ETFA: variants seen among roughly 807,000 people sequenced by gnomAD.
ETFA encodes the protein electron transfer flavoprotein subunit alpha, mitochondrial.
A neutral mutation model predicts 46.2 loss-of-function variants in ETFA; 22 were observed. That is an observed-to-expected ratio of 0.48 (90% CI 0.34 to 0.68). The LOEUF (loss-of-function observed/expected upper bound fraction) is 0.68. Ranked by LOEUF, ETFA falls within the 30% of genes least tolerant of loss-of-function variation. The pLI, the probability that ETFA is intolerant of heterozygous loss-of-function variation, is 0.01. For missense variants in ETFA, 345 were observed against 401.1 expected, an observed-to-expected ratio of 0.86 and a Z score of 1.19; for synonymous variants, 131 against 139.9, an observed-to-expected ratio of 0.94 and a Z score of 0.45.
chr15:76,296,231 G>A (rs1232212097), intron 1 of ETFA, among the ~76,000 whole-genome samples: 3 of 151,934 alleles, frequency 2.0e-5, no homozygotes, highest in South Asian at 2.1e-4. Flanking sequence ...ACAGGCATGC[G>A]CCACCGCACC....
At chr15:76,248,238 C>T (rs2039262169) in intron 9 of ETFA, among the ~76,000 whole-genome samples, 1 of 152,074 alleles carries the variant, frequency 6.6e-6, no homozygotes, top group Non-Finnish European at 1.5e-5. Context: ...TAGACCCCTG[C>T]ATACATATAA....
intron 11 of ETFA, among the ~76,000 whole-genome samples, chr15:76,220,115 G>A (rs2038943320): frequency 6.6e-6 from 1 of 152,188 alleles, no homozygotes; most frequent in South Asian, 2.1e-4. Flanking sequence ...CCAGGCTGGA[G>A]TGCAGTGGCA....
At chr15:76,259,000 G>A (rs2039374469) in intron 9 of ETFA, 1 of 1,605,930 alleles carries the variant, frequency 6.2e-7, no homozygotes, top group Non-Finnish European at 8.5e-7. Flanking sequence ...CAGCTATTGT[G>A]TGGCAGTAGC....
In ETFA at chr15:76,286,435, A is replaced by G. The variant is rs1433610823; in HGVS notation, c.498T>C (p.Phe166=). The G allele has an allele frequency of 1.2e-6, 2 of 1,613,788 alleles. No homozygotes were observed. Among genetic ancestry groups the G allele is most frequent in the Non-Finnish European group, 8.5e-7 (1 of 1,179,680 alleles). Reference sequence around the variant, plus strand: ...CATCAAAGGATGTTCCACGGACAGAAAACACTTTCACTTTCTCATCACACT... The same window carrying G: ...CATCAAAGGATGTTCCACGGACAGAGAACACTTTCACTTTCTCATCACACT... ...TVKCDEKVKV[F]SVRGTSFDAA... is the part of the protein sequence containing the mutation. Residue 166 remains phenylalanine, a synonymous_variant, in exon 6 of 12, where the codon TTT becomes TTC. Coordinates refer to ENST00000557943, the MANE Select transcript of ETFA (RefSeq NM_000126.4).
chr15:76,259,106 G>A, intron 9 of ETFA: 3 of 1,531,848 alleles, frequency 2.0e-6, no homozygotes, highest in Middle Eastern at 1.7e-4. Context: ...CTCCAGGGGT[G>A]AGGATGTATC....
At position 76,216,369 on chromosome 15, in the gene ETFA, G is replaced by C. The variant is rs2038895802; in HGVS notation, c.*190C>G. On this transcript the variant is annotated 3_prime_UTR_variant, in exon 12 of 12. Coordinates refer to ENST00000557943, the MANE Select transcript of ETFA (RefSeq NM_000126.4). ...AAAAAGTTCAAACAATAATTGTTTG[G>C]AACCACAAATAATTAAAAGGAAACA... The C allele has an allele frequency of 1.8e-6, 1 of 568,618 alleles. No homozygotes were observed. The allele number at this position is 568,618 out of a possible 1,614,324, so 35.2% of individuals were successfully genotyped here. A position where few individuals can be genotyped will look rare whatever the true frequency, so the allele number is the denominator to read the frequency against.
At chr15:76,299,794 C>G (rs962295026) in intron 1 of ETFA, among the ~76,000 whole-genome samples, 1 of 152,166 alleles carries the variant, frequency 6.6e-6, no homozygotes, top group Non-Finnish European at 1.5e-5. Context: ...TGGGTCTAAT[C>G]CCTTCATCTG....
Position 76,231,124 on chromosome 15 carries a change from G to T in ETFA, c.882+209C>A, listed in dbSNP as rs2039062651. The T allele has an allele frequency of 4.2e-5, 23 of 541,778 alleles. No individual in the cohort carries two copies. The South Asian group carries it at 4.7e-4, about 11-fold the overall frequency. 33.6% of individuals were successfully genotyped at this position (541,778 alleles called of 1,614,324 possible). A position where few individuals can be genotyped will look rare whatever the true frequency, so the allele number is the denominator to read the frequency against. On this transcript the variant is annotated intron_variant, in intron 10 of 11. Transcript: ENST00000557943. ...AGTTAGCAGTGGAGCTATAACTCAGGTTCAGGCCTCTTTCCATGACACAGC... is the reference window on the plus strand; with the variant it reads ...AGTTAGCAGTGGAGCTATAACTCAGTTTCAGGCCTCTTTCCATGACACAGC...
chr15:76,281,961 T>C (rs1596216725), intron 8 of ETFA, among the ~76,000 whole-genome samples: 3 of 138,914 alleles, frequency 2.2e-5, no homozygotes, highest in South Asian at 4.6e-4. Context: ...TGGAGTACAG[T>C]GGCACAGTCT....
chr15:76,267,910 G>A (rs1320934342), intron 9 of ETFA, among the ~76,000 whole-genome samples: 2 of 152,192 alleles, frequency 1.3e-5, no homozygotes, highest in African/African-American at 4.8e-5. Context: ...TGACAACCAG[G>A]TGTCTGTGTG....
At chr15:76,252,042 C>T (rs1297165315) in intron 9 of ETFA, among the ~76,000 whole-genome samples, 6 of 152,130 alleles carry the variant, frequency 3.9e-5, no homozygotes, top group Non-Finnish European at 5.9e-5. Context: ...TTTGTTTTTA[C>T]GTTGGGACAC....
intron 9 of ETFA, among the ~76,000 whole-genome samples, chr15:76,262,474 C>CTTTTTTTTT (rs60480510): frequency 1.2e-5 from 1 of 84,688 alleles, no homozygotes. Context: ...ATCAAACCCC[C>CTTTTTTTTT]TTTTTTTTTT....
At position 76,219,446 on chromosome 15, in the gene ETFA, C is replaced by G. The variant is rs191608062; in HGVS notation, c.964-2849G>C. Among the ~76,000 whole-genome samples, 28 of 152,046 alleles carry G rather than the reference C, an allele frequency of 1.8e-4. No homozygotes were observed. In the East Asian group the frequency reaches 5.2e-3, roughly 28 times the overall value. On this transcript the variant is annotated intron_variant, in intron 11 of 11. Coordinates refer to ENST00000557943, the MANE Select transcript of ETFA (RefSeq NM_000126.4). ...ATTCTTAGATATGATGCCAAAAGCA[C>G]AAGCAACAAAATAAAAAAAAAGATA...
chr15:76,305,862 G>GTT (rs58091811), intron 1 of ETFA, among the ~76,000 whole-genome samples: 1 of 143,774 alleles, frequency 7.0e-6, no homozygotes. Context: ...CTCAATAGTT[G>GTT]TTTTTTTTTT....
At position 76,311,310 on chromosome 15, in the gene ETFA, G is replaced by C. The variant is rs553288367; in HGVS notation, c.39+40C>G. The C allele has an allele frequency of 3.4e-5, 52 of 1,549,290 alleles. No homozygotes were observed. The African/African-American group carries it at 6.8e-4, about 20-fold the overall frequency. The stretch of plus-strand genomic sequence containing the variant: ...ACCCCATAGGGACGGCGGGTTGACG[G>C]GGGGCCGTCCCTGGGTTCGCCTTCC... On this transcript the variant is annotated intron_variant, in intron 1 of 11. Coordinates refer to ENST00000557943, the MANE Select transcript of ETFA (RefSeq NM_000126.4).
chr15:76,225,576 A>G, intron 11 of ETFA, among the ~76,000 whole-genome samples: 1 of 152,182 alleles, frequency 6.6e-6, no homozygotes, highest in East Asian at 1.9e-4. Context: ...GGTGTGAGCC[A>G]CCACGCCCGG....
At chr15:76,234,390 C>T (rs535048734) in intron 9 of ETFA, among the ~76,000 whole-genome samples, 1 of 152,156 alleles carries the variant, frequency 6.6e-6, no homozygotes, top group Non-Finnish European at 1.5e-5. Flanking sequence ...AATTAGTATA[C>T]ACAAAACTCT....
intron 10 of ETFA, chr15:76,227,639 TG>T (rs1421515267): frequency 2.7e-6 from 1 of 366,164 alleles, no homozygotes; most frequent in Non-Finnish European, 5.3e-6. Context: ...TAGACTCTAA[TG>T]TAGTATTATT....
chr15:76,237,985 C>A (rs2039143751), intron 9 of ETFA, among the ~76,000 whole-genome samples: 1 of 152,104 alleles, frequency 6.6e-6, no homozygotes. Flanking sequence ...GGGATGATTT[C>A]TTTACAGATT....
Sources: allele counts gnomAD v4.1 joint callset (sites outside exome capture counted in the v4.1 genomes callset), GRCh38; gene constraint gnomAD v4.1.1; transcripts MANE v1.5; gene names NCBI Gene and HGNC (gene_info 2026-07-23, HGNC 2026-07-21).